The following VIPR2 variants were observed in gnomAD, a reference collection of about 807,000 sequenced individuals.
VIPR2 encodes the protein vasoactive intestinal peptide receptor 2.
VIPR2 carries 48 observed loss-of-function variants against 58.0 expected under a neutral mutation model. The ratio of observed to expected loss-of-function variants is 0.83; its 90% CI spans 0.66 to 1.05. The LOEUF (loss-of-function observed/expected upper bound fraction) is 1.05. Ranked by LOEUF, VIPR2 falls within the 50% of genes least tolerant of loss-of-function variation. The pLI, the probability that VIPR2 is intolerant of heterozygous loss-of-function variation, is 0.00. For missense variants in VIPR2, 534 were observed against 558.0 expected (o/e 0.96, Z 0.43); for synonymous variants, 243 against 235.2 (o/e 1.03, Z -0.30).
At chr7:159,120,997 C>T (rs889192848) in intron 2 of VIPR2, among the ~76,000 whole-genome samples, 7 of 152,220 alleles carry the variant, frequency 4.6e-5, no homozygotes, top group African/African-American at 1.7e-4. Context: ...GCACCCTTGC[C>T]TGCTTTTTAA....
At chr7:159,087,130 C>T (rs975561383) in intron 4 of VIPR2, among the ~76,000 whole-genome samples, 2 of 150,960 alleles carry the variant, frequency 1.3e-5, no homozygotes, top group Non-Finnish European at 3.0e-5. Context: ...AAATAATACC[C>T]AGGACTCGGA....
At chr7:159,092,496 C>A (rs935604181) in intron 4 of VIPR2, among the ~76,000 whole-genome samples, 1 of 152,132 alleles carries the variant, frequency 6.6e-6, no homozygotes, top group Non-Finnish European at 1.5e-5. Flanking sequence ...TTCAAATATT[C>A]ATTTCCTTTC....
At chr7:159,053,229 A>C (rs780870335) in intron 5 of VIPR2, among the ~76,000 whole-genome samples, 10 of 152,044 alleles carry the variant, frequency 6.6e-5, no homozygotes, top group Non-Finnish European at 1.3e-4. Context: ...GATTATAGGC[A>C]TGAGCTACTG....
intron 4 of VIPR2, among the ~76,000 whole-genome samples, chr7:159,092,725 G>A (rs927990735): frequency 2.0e-5 from 3 of 148,974 alleles, no homozygotes; most frequent in Admixed American, 6.8e-5. Context: ...ATCTTGGCTC[G>A]CTGCAAGCTC....
rs531350982 is a variant in VIPR2, at chr7:159,031,286, C to G, written c.1144-497G>C. Among the ~76,000 whole-genome samples, 18 of 149,310 alleles carry G rather than the reference C, an allele frequency of 1.2e-4. No homozygotes were observed. Among genetic ancestry groups the G allele is most frequent in the Non-Finnish European group, 2.2e-4 (15 of 67,292 alleles). ...AGCCGTGCTGGTGAAAGCTGCATGT[C>G]AAGCAAAGAAAGCGCCAGCAACCGC... On this transcript the variant is annotated intron_variant, in intron 12 of 12. Transcript: ENST00000262178. This position sits in a 1 kb window ranked among gnomAD's most constrained non-coding sequence, Gnocchi z 4.0.
chr7:159,071,429 G>A (rs1438409185), intron 4 of VIPR2, among the ~76,000 whole-genome samples: 1 of 152,194 alleles, frequency 6.6e-6, no homozygotes, highest in Non-Finnish European at 1.5e-5. Context: ...CCTTCAGAGA[G>A]AATCTTGGCT....
At chr7:159,057,470 T>C (rs1410434297) in intron 5 of VIPR2, among the ~76,000 whole-genome samples, 1 of 152,240 alleles carries the variant, frequency 6.6e-6, no homozygotes, top group Non-Finnish European at 1.5e-5. Flanking sequence ...CTGGCTTTCT[T>C]AGCTGGATTC....
At chr7:159,123,113 T>C (rs1796518018) in intron 2 of VIPR2, among the ~76,000 whole-genome samples, 1 of 151,802 alleles carries the variant, frequency 6.6e-6, no homozygotes, top group Non-Finnish European at 1.5e-5. Context: ...GCTAACATGG[T>C]GAAACTCTGT....
chr7:159,109,279 G>A (rs1001299819), intron 3 of VIPR2, among the ~76,000 whole-genome samples: 14 of 152,354 alleles, frequency 9.2e-5, no homozygotes, highest in African/African-American at 3.4e-4. Context: ...TGCCCTGGGT[G>A]CAGAGGAGGA....
intron 10 of VIPR2, 76 bp downstream of exon 10, chr7:159,034,137 T>C: frequency 6.7e-7 from 1 of 1,497,858 alleles, no homozygotes; most frequent in Non-Finnish European, 9.2e-7. Flanking sequence ...CTCCAGGGCC[T>C]TCCTGGCAGC....
At chr7:159,106,130 G>A (rs1224662137) in intron 3 of VIPR2, among the ~76,000 whole-genome samples, 1 of 152,228 alleles carries the variant, frequency 6.6e-6, no homozygotes, top group African/African-American at 2.4e-5. Flanking sequence ...CCTGAGCCTG[G>A]AAGCCAGGAC....
intron 2 of VIPR2, among the ~76,000 whole-genome samples, chr7:159,122,135 G>A (rs1796476730): frequency 6.6e-6 from 1 of 152,208 alleles, no homozygotes; most frequent in South Asian, 2.1e-4. Flanking sequence ...TCCTAACCAG[G>A]TGACAAAAAG....
At chr7:159,059,088 TTAACA>T (rs1341862566) in intron 4 of VIPR2, 1 of 371,372 alleles carries the variant, frequency 2.7e-6, no homozygotes, top group African/African-American at 2.1e-5. Flanking sequence ...TTTTATTTCC[TTAACA>T]TTTCTTGGTT....
intron 2 of VIPR2, among the ~76,000 whole-genome samples, chr7:159,134,896 A>T (rs1374604826): frequency 1.3e-5 from 2 of 151,012 alleles, no homozygotes; most frequent in Non-Finnish European, 2.9e-5. Flanking sequence ...TGACCTCATG[A>T]TCTGCCTGCC....
Position 159,062,515 on chromosome 7 carries a change from C to T in VIPR2, c.358-3937G>A, listed in dbSNP as rs565252043. 5.3e-5 allele frequency among the ~76,000 whole-genome samples: 8 copies of T among 152,094 alleles called. No individual in the cohort carries two copies. The South Asian group carries it at 8.3e-4, about 16-fold the overall frequency. On this transcript the variant is annotated intron_variant, in intron 4 of 12. Transcript: ENST00000262178. ...ACGGTGAGTGTTACAGCTCTTAAGG[C>T]GGCCCCTCTCTGGAGTTGTTCATTC...
rs556330075 is a variant in VIPR2 at position 159,075,890 on chromosome 7, C to T, written c.358-17312G>A. Reference sequence around the variant, plus strand: ...GCTGCATCAGCGAGTAGCCCAGGGCCGGCACCCAAGGACCTACTGCATTTA... The same window carrying T: ...GCTGCATCAGCGAGTAGCCCAGGGCTGGCACCCAAGGACCTACTGCATTTA... On this transcript the variant is annotated intron_variant, in intron 4 of 12. Transcript: ENST00000262178. Among the ~76,000 whole-genome samples the T allele has an allele frequency of 1.7e-3, 258 of 152,178 alleles. 12 individuals carry two copies. The South Asian group carries it at 0.052, about 31-fold the overall frequency.
chr7:159,060,117 C>G (rs1855555177), intron 4 of VIPR2, among the ~76,000 whole-genome samples: 1 of 150,508 alleles, frequency 6.6e-6, no homozygotes, highest in Non-Finnish European at 1.5e-5. Context: ...TAATCACCAC[C>G]TTCACCTCAC....
Position 159,114,414 on chromosome 7 carries a change from G to A in VIPR2, c.152-4495C>T, listed in dbSNP as rs187981402. ...CAGATGGAGTGAGAAACAAACAAAA[G>A]TGCTCGGATAAGGCAGTCAGGGAAA... On this transcript the variant is annotated intron_variant, in intron 2 of 12. Coordinates refer to ENST00000262178, the MANE Select transcript of VIPR2 (RefSeq NM_003382.5). 5.8e-4 allele frequency among the ~76,000 whole-genome samples: 88 copies of A among 152,244 alleles called. No individual in the cohort carries two copies. In the Middle Eastern group the frequency reaches 0.017, roughly 29 times the overall value.
intron 4 of VIPR2, among the ~76,000 whole-genome samples, chr7:159,061,889 C>G (rs1345451894): frequency 6.6e-6 from 1 of 152,076 alleles, no homozygotes; most frequent in Non-Finnish European, 1.5e-5. Flanking sequence ...GGACGCACTG[C>G]TAGCGGGAGA....
Sources: allele counts gnomAD v4.1 joint callset (sites outside exome capture counted in the v4.1 genomes callset), GRCh38; gene constraint gnomAD v4.1.1; non-coding constraint Gnocchi (gnomAD v3.1); transcripts MANE v1.5; gene names NCBI Gene and HGNC (gene_info 2026-07-23, HGNC 2026-07-21).